The following MED14 variants were observed in gnomAD, a reference collection of about 807,000 sequenced individuals.
MED14 encodes mediator complex subunit 14, also known as mediator of RNA polymerase II transcription subunit 14.
A neutral mutation model predicts 109.0 loss-of-function variants in MED14; 8 were observed. The ratio of observed to expected loss-of-function variants is 0.07; its 90% confidence interval spans 0.04 to 0.13. The LOEUF (loss-of-function observed/expected upper bound fraction) is 0.13, where lower values mean the gene tolerates loss of function less well. Ranked by LOEUF, MED14 falls within the 10% of genes least tolerant of loss-of-function variation. The probability of loss-of-function intolerance (pLI) is 1.00; values close to 1 mark genes in which losing one functional copy is unlikely to be tolerated. For synonymous variants in MED14, 399 were observed against 408.7 expected (o/e 0.98, Z 0.29); for missense variants, 711 against 1,142.4 (o/e 0.62, Z 5.44).
At chrX:40,704,576 G>T (rs376661725) in intron 10 of MED14, among the ~76,000 whole-genome samples, 22 of 112,115 alleles carry the variant, frequency 2.0e-4, no homozygotes, top group African/African-American at 6.5e-4. Context: ...CTGTAAAAGT[G>T]CTTTAAAAAG....
At chrX:40,707,110 TA>T (rs1159332620) in intron 10 of MED14, among the ~76,000 whole-genome samples, 21 of 78,416 alleles carry the variant, frequency 2.7e-4, no homozygotes, top group African/African-American at 1.4e-3. Flanking sequence ...CATAGATGGA[TA>T]GATAGATAGA....
intron 18 of MED14, among the ~76,000 whole-genome samples, chrX:40,682,346 A>C (rs1231891472): frequency 8.9e-6 from 1 of 112,286 alleles, no homozygotes; most frequent in Non-Finnish European, 1.9e-5. Flanking sequence ...ATAATATTGT[A>C]TGCCACACAG....
chrX:40,649,681 CAAAAG>C lies in MED14; in HGVS notation c.*2120_*2124del. The C allele has an allele frequency of 1.1e-6, 1 of 905,857 alleles. No individual in the cohort carries two copies. Among genetic ancestry groups the C allele is most frequent in the South Asian group, 2.6e-5 (1 of 38,277 alleles). The allele number at this position is 905,857 out of a possible 1,213,427, so 74.7% of individuals were successfully genotyped here. On this transcript the variant is annotated 3_prime_UTR_variant, in exon 31 of 31. Coordinates refer to ENST00000324817, the MANE Select transcript of MED14 (RefSeq NM_004229.4). ...AGTCCCCTTGATCGAACCTGGGTAA[CAAAAG>C]AGGCAAAAGACATGATTTGTGATGA...
At chrX:40,734,604 T>G (rs1043385522) in intron 1 of MED14, among the ~76,000 whole-genome samples, 4 of 112,553 alleles carry the variant, frequency 3.6e-5, no homozygotes, top group African/African-American at 1.3e-4. Flanking sequence ...AACAACTTAA[T>G]CATGCCCCAA....
chrX:40,657,246 A>C (rs913397622), intron 28 of MED14, among the ~76,000 whole-genome samples: 3 of 111,799 alleles, frequency 2.7e-5, no homozygotes, highest in Admixed American at 1.9e-4. Context: ...AGAAGACATG[A>C]AGTCCTAACC....
intron 18 of MED14, 29 bp downstream of exon 18, chrX:40,682,574 T>G (rs928949193): frequency 2.8e-6 from 3 of 1,082,157 alleles, no homozygotes; most frequent in Non-Finnish European, 3.6e-6. Flanking sequence ...TTTTAATTTA[T>G]TTAAAAAGGA....
At position 40,735,453 on chromosome X, in the gene MED14, G is replaced by A; in HGVS notation, c.-41C>T. 9.1e-7 allele frequency: 1 copy of A among 1,099,443 alleles called. No individual in the cohort carries two copies. The highest frequency in any genetic ancestry group is 1.2e-6 in the Non-Finnish European group (1 of 822,258). The allele number at this position is 1,099,443 out of a possible 1,213,427, so 90.6% of individuals were successfully genotyped here. ...GGCTTGGCGCAACGGCACACGATGC[G>A]GTCCTCGAGCCTCCCGGGCGCTCGG... is the stretch of plus-strand genomic sequence containing the variant. On this transcript the variant is annotated 5_prime_UTR_variant, in exon 1 of 31. Transcript: ENST00000324817.
rs1049679816 is a variant in MED14, at chrX:40,690,540, G to C, written c.1980+1643C>G. Among the ~76,000 whole-genome samples, 3 of 110,815 alleles carry C rather than the reference G, an allele frequency of 2.7e-5. No homozygotes were observed. The East Asian group carries it at 8.4e-4, about 31-fold the overall frequency. On this transcript the variant is annotated intron_variant, in intron 15 of 30. Coordinates refer to ENST00000324817, the MANE Select transcript of MED14 (RefSeq NM_004229.4). ...AGCAATTCTCCTGCCTCAGCCTCCC[G>C]AGTAGCTGGGATTACAGGCGCCCGC...
At chrX:40,663,724 C>T (rs1267218870) in intron 25 of MED14, among the ~76,000 whole-genome samples, 1 of 112,642 alleles carries the variant, frequency 8.9e-6, no homozygotes, top group Non-Finnish European at 1.9e-5. Context: ...CAATATATAA[C>T]AATCATATAT....
At chrX:40,664,155 C>G (rs1929394315) in intron 25 of MED14, 152 bp downstream of exon 25, 6 of 466,764 alleles carry the variant, frequency 1.3e-5, no homozygotes, top group Admixed American at 5.3e-5. Flanking sequence ...AACTGCACTC[C>G]CCTTATGCAT....
intron 10 of MED14, among the ~76,000 whole-genome samples, chrX:40,704,109 T>C (rs1027177758): frequency 8.9e-6 from 1 of 112,028 alleles, no homozygotes; most frequent in Non-Finnish European, 1.9e-5. Context: ...TTTCAAGTCA[T>C]TTGTATACTC....
intron 10 of MED14, among the ~76,000 whole-genome samples, chrX:40,705,648 C>T (rs1299531605): frequency 8.9e-6 from 1 of 111,867 alleles, no homozygotes; most frequent in Non-Finnish European, 1.9e-5. Context: ...CCTGCCAGAA[C>T]ATATATATAT....
intron 15 of MED14, among the ~76,000 whole-genome samples, chrX:40,689,901 T>C (rs1020918216): frequency 1.8e-5 from 2 of 111,725 alleles, no homozygotes; most frequent in African/African-American, 6.5e-5. Flanking sequence ...GTGTCCCATA[T>C]GTGCAGCAGG....
chrX:40,710,621 A>T (rs1255197339), intron 8 of MED14, among the ~76,000 whole-genome samples: 1 of 112,458 alleles, frequency 8.9e-6, no homozygotes, highest in Non-Finnish European at 1.9e-5. Context: ...GATACCCAAC[A>T]ATCTAACCTA....
chrX:40,698,851 T>G (rs935829987), intron 12 of MED14, among the ~76,000 whole-genome samples: 1 of 112,348 alleles, frequency 8.9e-6, no homozygotes, highest in African/African-American at 3.2e-5. Flanking sequence ...GGAAAACAGT[T>G]TGGCATTTTC....
At position 40,713,905 on chromosome X, in the gene MED14, G is replaced by A. The variant is rs6520683; in HGVS notation, c.525C>T (p.Asp175=). ...SYPRLPTCIR[D]KIIPPDPITK... ...TAATTGGGTCTGGAGGAATAATTTT[G>A]TCCTGCAAAAAAATTTAAGTGATTT... Residue 175 remains aspartate (D), a splice_region_variant and synonymous_variant, in exon 5 of 31, where the codon GAC becomes GAT. Coordinates refer to ENST00000324817, the MANE Select transcript of MED14 (RefSeq NM_004229.4). The A allele has an allele frequency of 0.2, 239,406 of 1,195,471 alleles. 18,897 individuals are homozygous for A. The highest frequency in any genetic ancestry group is 0.52 in the African/African-American group (29,270 of 56,004).
chrX:40,666,461 G>A (rs1442763678), intron 24 of MED14, among the ~76,000 whole-genome samples: 1 of 110,064 alleles, frequency 9.1e-6, no homozygotes, highest in Non-Finnish European at 1.9e-5. Context: ...TGAGAGGGCA[G>A]GCAAGCAGGG....
At position 40,694,252 on chromosome X, in the gene MED14, C is replaced by T. The variant is rs768926377; in HGVS notation, c.1651-1350G>A. On this transcript the variant is annotated intron_variant, in intron 13 of 30. Transcript: ENST00000324817. ...AGGCACAAAAAAAGCAAGTTACTTG[C>T]CCAAGGTCACACACGTAGTAAGTGA... Among the ~76,000 whole-genome samples, 5 of 111,433 alleles carry T rather than the reference C, an allele frequency of 4.5e-5. No individual in the cohort carries two copies. In the South Asian group the frequency reaches 1.9e-3, roughly 42 times the overall value.
intron 16 of MED14, among the ~76,000 whole-genome samples, chrX:40,684,402 T>C (rs765299190): frequency 1.6e-4 from 18 of 112,782 alleles, no homozygotes; most frequent in Non-Finnish European, 3.2e-4. Flanking sequence ...ATAGATTGCA[T>C]GTGCTAATTA....
Sources: allele counts gnomAD v4.1 joint callset (sites outside exome capture counted in the v4.1 genomes callset), GRCh38; gene constraint gnomAD v4.1.1; transcripts MANE v1.5; gene names NCBI Gene and HGNC (gene_info 2026-07-23, HGNC 2026-07-21).